The following RFPL1 variants were observed in gnomAD, a reference collection of about 807,000 sequenced individuals.
RFPL1 encodes ret finger protein-like 1.
A neutral mutation model predicts 9.6 loss-of-function variants in RFPL1; 6 were observed. The observed-to-expected ratio is 0.62, with a 90% confidence interval of 0.34 to 1.23. The LOEUF (loss-of-function observed/expected upper bound fraction) is 1.23, where lower values mean the gene tolerates loss of function less well. RFPL1 is among the 50% of genes most tolerant of loss of function. The pLI, the probability that RFPL1 is intolerant of heterozygous loss-of-function variation, is 0.03. For missense variants in RFPL1, 352 were observed against 398.4 expected (o/e 0.88, Z 0.99); for synonymous variants, 145 against 149.4 (o/e 0.97, Z 0.22).
At chr22:29,416,271 G>C in the RFPL1 span, among the ~76,000 whole-genome samples, 7 of 152,262 alleles carry the variant, frequency 4.6e-5, no homozygotes, top group East Asian at 1.2e-3. Flanking sequence ...GCTTCAGAAG[G>C]GCAGGCAGAG....
At chr22:29,390,147 A>G in the RFPL1 span, among the ~76,000 whole-genome samples, 1 of 152,208 alleles carries the variant, frequency 6.6e-6, no homozygotes, top group Non-Finnish European at 1.5e-5. Context: ...TAGTAAATAC[A>G]TTTCTACTTG....
the RFPL1 span, among the ~76,000 whole-genome samples, chr22:29,419,805 A>C: frequency 6.6e-6 from 1 of 151,244 alleles, no homozygotes; most frequent in Non-Finnish European, 1.5e-5. Context: ...TCTCTCCAAA[A>C]AAAAAAAAAA....
At chr22:29,424,841 C>A in the RFPL1 span, among the ~76,000 whole-genome samples, 3 of 115,204 alleles carry the variant, frequency 2.6e-5, no homozygotes, top group African/African-American at 1.0e-4. Flanking sequence ...CCACCCCCCC[C>A]CCCGCAAAAT....
At chr22:29,418,043 G>C in the RFPL1 span, among the ~76,000 whole-genome samples, 1 of 149,326 alleles carries the variant, frequency 6.7e-6, no homozygotes, top group South Asian at 2.1e-4. Flanking sequence ...GCAATTCTCT[G>C]TCTCAGCCTC....
chr22:29,391,002 CATG>C, the RFPL1 span, among the ~76,000 whole-genome samples: 1 of 151,442 alleles, frequency 6.6e-6, no homozygotes, highest in South Asian at 2.1e-4. Context: ...ATTAGCCGGA[CATG>C]GTGGTGGGTG....
At chr22:29,436,492 C>CA (rs1266201731), upstream of RFPL1, 1 of 150,370 alleles carries the variant, frequency 6.7e-6, no homozygotes, top group Non-Finnish European at 1.5e-5. Context: ...CCCAGCTGCT[C>CA]AGGAGGCTGA....
At chr22:29,403,742 T>G in the RFPL1 span, among the ~76,000 whole-genome samples, 1 of 152,342 alleles carries the variant, frequency 6.6e-6, no homozygotes, top group East Asian at 1.9e-4. Context: ...CTGCAGTGTC[T>G]CTCCTATTAA....
chr22:29,399,994 CTTTTTTTTTT>C, the RFPL1 span, among the ~76,000 whole-genome samples: 2 of 116,276 alleles, frequency 1.7e-5, no homozygotes, highest in African/African-American at 6.8e-5. Context: ...CTTTTCTTTT[CTTTTTTTTTT>C]TTTTTTTTTG....
chr22:29,416,009 C>T, the RFPL1 span, among the ~76,000 whole-genome samples: 2 of 152,156 alleles, frequency 1.3e-5, no homozygotes, highest in Non-Finnish European at 1.5e-5. Context: ...ATTGGAGACA[C>T]CTGAGGATGC....
chr22:29,401,079 C>T, the RFPL1 span, among the ~76,000 whole-genome samples: 1 of 152,220 alleles, frequency 6.6e-6, no homozygotes, highest in African/African-American at 2.4e-5. Flanking sequence ...TCTCCAAACC[C>T]CTCCCCTTAT....
the RFPL1 span, among the ~76,000 whole-genome samples, chr22:29,411,230 G>C: frequency 6.6e-6 from 1 of 152,170 alleles, no homozygotes; most frequent in South Asian, 2.1e-4. Flanking sequence ...CAAATAGTAA[G>C]GGGGTTGGGA....
At chr22:29,418,434 T>C in the RFPL1 span, among the ~76,000 whole-genome samples, 1 of 151,996 alleles carries the variant, frequency 6.6e-6, no homozygotes, top group South Asian at 2.1e-4. Flanking sequence ...TAATATCATC[T>C]GGCCACTTAA....
the RFPL1 span, among the ~76,000 whole-genome samples, chr22:29,425,173 T>C: frequency 6.2e-4 from 85 of 136,622 alleles, no homozygotes; most frequent in African/African-American, 1.1e-3. Context: ...CACTGCACTC[T>C]AGCCTGGGCG....
the RFPL1 span, among the ~76,000 whole-genome samples, chr22:29,406,143 A>T: frequency 4.3e-5 from 2 of 46,922 alleles, 1 homozygote; most frequent in Non-Finnish European, 7.5e-5. Flanking sequence ...AAAAAAAAAA[A>T]AAATAAAAAA....
At chr22:29,440,698 G>C (rs5763238) in intron 1 of RFPL1, 1 of 151,692 alleles carries the variant, frequency 6.6e-6, no homozygotes, top group African/African-American at 2.4e-5. Flanking sequence ...TCAGTCTACC[G>C]AGTAGCTAGG....
At chr22:29,434,086 A>G (rs1406415990), upstream of RFPL1, among the ~76,000 whole-genome samples, 3 of 152,134 alleles carry the variant, frequency 2.0e-5, no homozygotes, top group Admixed American at 2.0e-4. Flanking sequence ...TCCTCAGCTC[A>G]AGCGATCCTC....
chr22:29,402,342 C>T, the RFPL1 span, among the ~76,000 whole-genome samples: 1 of 152,130 alleles, frequency 6.6e-6, no homozygotes, highest in African/African-American at 2.4e-5. Flanking sequence ...GACAGTGGTT[C>T]TCAATTTTGT....
the RFPL1 span, among the ~76,000 whole-genome samples, chr22:29,416,916 G>C: frequency 1.8e-4 from 27 of 152,338 alleles, no homozygotes; most frequent in Admixed American, 3.3e-4. Context: ...CGTGGTCCCA[G>C]AGTCACAGGC....
chr22:29,405,314 C>T, the RFPL1 span, among the ~76,000 whole-genome samples: 1 of 152,158 alleles, frequency 6.6e-6, no homozygotes, highest in Admixed American at 6.5e-5. Flanking sequence ...TGTCCTCTTA[C>T]ATGGCAGGCC....
Sources: gnomAD v4.1 joint callset for allele counts (sites outside exome capture counted in the v4.1 genomes callset) on GRCh38, gnomAD v4.1.1 for gene constraint, MANE v1.5 for transcripts, NCBI Gene and HGNC (gene_info 2026-07-23, HGNC 2026-07-21) for gene names.